The following PAIP2 variants were observed in gnomAD, a reference collection of about 807,000 sequenced individuals.
PAIP2 encodes the protein poly(A) binding protein interacting protein 2.
In PAIP2, 7 loss-of-function variants were observed where a neutral mutation model predicts 14.8. The ratio of observed to expected loss-of-function variants is 0.47; its 90% CI spans 0.27 to 0.89. PAIP2 has a LOEUF of 0.89. PAIP2 is among the 40% of genes least tolerant of loss of function. The pLI, the probability that PAIP2 is intolerant of heterozygous loss-of-function variation, is 0.13. For missense variants in PAIP2, 122 were observed against 154.7 expected (o/e 0.79, Z 1.12); for synonymous variants, 47 against 45.3 (o/e 1.04, Z -0.15).
intron 1 of PAIP2, among the ~76,000 whole-genome samples, chr5:139,355,788 C>T (rs1002678334): frequency 2.6e-5 from 4 of 151,872 alleles, no homozygotes; most frequent in Admixed American, 6.6e-5. Flanking sequence ...ACCCAGGAGG[C>T]GGAGGTTGCA....
intron 3 of PAIP2, chr5:139,365,181 A>G (rs1757180966): frequency 6.7e-6 from 1 of 148,994 alleles, no homozygotes; most frequent in South Asian, 2.1e-4. Flanking sequence ...AAATAAATAA[A>G]TAGAATAAAA....
intron 1 of PAIP2, among the ~76,000 whole-genome samples, chr5:139,349,927 G>A (rs1030282770): frequency 1.3e-5 from 2 of 151,522 alleles, no homozygotes; most frequent in African/African-American, 4.9e-5. Flanking sequence ...ACTTGAACGC[G>A]GGAGGCAGAG....
chr5:139,366,258 A>G (rs1757246318), intron 3 of PAIP2, among the ~76,000 whole-genome samples: 2 of 151,884 alleles, frequency 1.3e-5, no homozygotes, highest in African/African-American at 4.8e-5. Flanking sequence ...ACTAAACATC[A>G]GCACTAGAGT....
chr5:139,343,319 G>A (rs546727499), intron 1 of PAIP2: 14 of 152,278 alleles, frequency 9.2e-5, no homozygotes, highest in African/African-American at 3.1e-4. Flanking sequence ...ACCCACTTGT[G>A]TTTCTTTAAG....
At chr5:139,363,723 G>A (rs765935036) in intron 1 of PAIP2, 36 bp from the exon 2 acceptor site, 3 of 1,578,836 alleles carry the variant, frequency 1.9e-6, no homozygotes, top group East Asian at 4.5e-5. Context: ...AACCCTGAAT[G>A]AGTAAGTAAA....
At chr5:139,349,469 G>A (rs1408994444) in intron 1 of PAIP2, among the ~76,000 whole-genome samples, 1 of 151,722 alleles carries the variant, frequency 6.6e-6, no homozygotes, top group South Asian at 2.1e-4. Context: ...GGATGGTCTC[G>A]ATCTCCTGAC....
chr5:139,351,388 AG>A (rs967667735), intron 1 of PAIP2, among the ~76,000 whole-genome samples: 1 of 152,146 alleles, frequency 6.6e-6, no homozygotes, highest in Non-Finnish European at 1.5e-5. Flanking sequence ...GTACATCAGA[AG>A]GGGGTGGTTG....
chr5:139,367,588 T>C (rs1757339690), intron 3 of PAIP2: 1 of 152,212 alleles, frequency 6.6e-6, no homozygotes, highest in African/African-American at 2.4e-5. Context: ...TTAGGTCTTC[T>C]GGTTCCCCAT....
At chr5:139,364,454 A>T (rs1757158501) in intron 2 of PAIP2, 110 bp from the exon 3 acceptor site, 4 of 609,760 alleles carry the variant, frequency 6.6e-6, no homozygotes, top group Non-Finnish European at 1.1e-5. Flanking sequence ...ATGGAAGCAG[A>T]AAAGAAAGTA....
chr5:139,344,380 T>C (rs1469350935), intron 1 of PAIP2, among the ~76,000 whole-genome samples: 1 of 152,210 alleles, frequency 6.6e-6, no homozygotes, highest in Non-Finnish European at 1.5e-5. Flanking sequence ...TCATTGCCTT[T>C]GTGATCTAGA....
intron 1 of PAIP2, among the ~76,000 whole-genome samples, chr5:139,354,802 A>T (rs1581306228): frequency 6.9e-6 from 1 of 145,124 alleles, no homozygotes; most frequent in African/African-American, 2.5e-5. Flanking sequence ...CCTCTAGTAA[A>T]TTTTTCATTT....
chr5:139,358,433 G>A (rs1376805087), intron 1 of PAIP2, among the ~76,000 whole-genome samples: 1 of 152,112 alleles, frequency 6.6e-6, no homozygotes, highest in East Asian at 1.9e-4. Context: ...TGGTGGGGAG[G>A]GAGTCAGCTA....
chr5:139,355,054 G>A (rs771269982), intron 1 of PAIP2, among the ~76,000 whole-genome samples: 6 of 150,520 alleles, frequency 4.0e-5, no homozygotes, highest in Non-Finnish European at 1.5e-5. Context: ...TCCTGACCTC[G>A]TGATCCTCCT....
chr5:139,354,815 G>C (rs1324714210), intron 1 of PAIP2, among the ~76,000 whole-genome samples: 1 of 147,940 alleles, frequency 6.8e-6, no homozygotes, highest in East Asian at 2.0e-4. Context: ...TTTCATTTCA[G>C]TTGTACCTTT....
In PAIP2 at chr5:139,358,517, G is replaced by GTATA. The variant is rs1041513086; in HGVS notation, c.-26-5238_-26-5235dup. On this transcript the variant is annotated intron_variant, in intron 1 of 3. Coordinates refer to ENST00000265192, the MANE Select transcript of PAIP2 (RefSeq NM_016480.5). ...GACTGACTAGCATTGAACACATTGG[G>GTATA]TATATATTCAAGAGAACTGAAAACG... 5.3e-4 allele frequency among the ~76,000 whole-genome samples: 80 copies of GTATA among 151,106 alleles called. 1 individual carries two copies. Among genetic ancestry groups the GTATA allele is most frequent in the African/African-American group, 1.9e-3 (77 of 41,292 alleles).
Position 139,348,648 on chromosome 5 carries a change from T to G in PAIP2, c.-27+6668T>G, listed in dbSNP as rs189188537. On this transcript the variant is annotated intron_variant, in intron 1 of 3. Transcript: ENST00000265192. The stretch of plus-strand genomic sequence containing the variant: ...CTGGGATTACAGGCGTGAGCCACTG[T>G]GCCTGGCCACGCCCAGCTAATCTTT... Among the ~76,000 whole-genome samples the G allele has an allele frequency of 1.6e-3, 237 of 151,376 alleles. 8 individuals carry two copies. The highest frequency in any genetic ancestry group is 5.5e-3 in the African/African-American group (229 of 41,290).
chr5:139,352,502 GT>G (rs536704901), intron 1 of PAIP2, among the ~76,000 whole-genome samples: 906 of 76,128 alleles, frequency 0.012, 30 homozygotes, highest in Middle Eastern at 0.027. Context: ...TTTTTTTGTT[GT>G]TTTTTTTTTT....
chr5:139,349,582 A>G (rs898752961), intron 1 of PAIP2, among the ~76,000 whole-genome samples: 1 of 152,224 alleles, frequency 6.6e-6, no homozygotes, highest in Admixed American at 6.5e-5. Context: ...GAAAATAGTT[A>G]AAGTTATTAA....
At chr5:139,362,962 C>T (rs1437694697) in intron 1 of PAIP2, among the ~76,000 whole-genome samples, 1 of 151,762 alleles carries the variant, frequency 6.6e-6, no homozygotes, top group Non-Finnish European at 1.5e-5. Context: ...TAGATGTGGC[C>T]GGGCGTGGTG....
Sources: gnomAD v4.1 joint callset for allele counts (sites outside exome capture counted in the v4.1 genomes callset) on GRCh38, gnomAD v4.1.1 for gene constraint, MANE v1.5 for transcripts, NCBI Gene and HGNC (gene_info 2026-07-23, HGNC 2026-07-21) for gene names.